Variants in TEK observed in about 807,000 individuals in gnomAD.
TEK encodes angiopoietin-1 receptor.
Under a neutral mutation model 131.8 loss-of-function variants are expected in TEK, and 43 were observed. The ratio of observed to expected loss-of-function variants is 0.33; its 90% CI spans 0.26 to 0.42. The LOEUF is 0.42. Ranked by LOEUF, TEK falls within the 10% of genes least tolerant of loss-of-function variation. The pLI is 1.00. For synonymous variants in TEK, 580 were observed against 491.6 expected (o/e 1.18, Z -2.38); for missense variants, 1,162 against 1,384.4 (o/e 0.84, Z 2.55).
intron 20 of TEK, among the ~76,000 whole-genome samples, chr9:27,219,051 A>AACTTTATTATATATTAG (rs1825939862): frequency 9.8e-6 from 1 of 102,392 alleles, no homozygotes; most frequent in Non-Finnish European, 2.0e-5. Flanking sequence ...TTATATATTA[A>AACTTTATTATATATTAG]TTGGCTCCGC....
At position 27,197,353 on chromosome 9, in the gene TEK, AG is replaced by A; in HGVS notation, c.1664del (p.Ser555IlefsTer5). On this transcript the variant is annotated frameshift_variant, in exon 12 of 23. Transcript: ENST00000380036. LOFTEE classifies it high-confidence loss of function. Reference sequence around the variant, plus strand: ...AAGAGGTCTAAATCTCCTGCCTAAAAGTCAGACCACTCTAAATTTGACCTGG... The same window carrying A: ...AAGAGGTCTAAATCTCCTGCCTAAAATCAGACCACTCTAAATTTGACCTGG... ...PPRGLNLLPK[S>X]QTTLNLTWQP... 6.2e-7 allele frequency: 1 copy of A among 1,614,132 alleles called. No individual in the cohort carries two copies. Among genetic ancestry groups the A allele is most frequent in the Non-Finnish European group, 8.5e-7 (1 of 1,179,986 alleles).
At chr9:27,209,369 C>A in intron 16 of TEK, 138 bp downstream of exon 16, 1 of 722,704 alleles carries the variant, frequency 1.4e-6, no homozygotes. Flanking sequence ...GAATGTCTGT[C>A]TAGTCCCATT....
chr9:27,115,842 A>T (rs1821534850), intron 1 of TEK, among the ~76,000 whole-genome samples: 1 of 152,248 alleles, frequency 6.6e-6, no homozygotes, highest in Non-Finnish European at 1.5e-5. Flanking sequence ...GGATGAAGGT[A>T]GAGAATTAAA....
At chr9:27,225,822 T>G (rs4879268) in intron 21 of TEK, among the ~76,000 whole-genome samples, 53,711 of 151,852 alleles carry the variant, frequency 0.35, 9,738 homozygotes, top group African/African-American at 0.41. Context: ...GGGAGAAAAT[T>G]TTTGCAATCT....
intron 20 of TEK, 140 bp from the exon 21 acceptor site, chr9:27,219,909 G>C: frequency 1.2e-6 from 1 of 825,538 alleles, no homozygotes; most frequent in Non-Finnish European, 2.1e-6. Context: ...CAGTGAGTTT[G>C]CCAAGGGAGG....
chr9:27,168,699 C>T, intron 3 of TEK, 94 bp downstream of exon 3: 1 of 993,446 alleles, frequency 1.0e-6, no homozygotes, highest in South Asian at 1.4e-5. Flanking sequence ...GTCTTGTGGG[C>T]AGATGTTTGA....
intron 21 of TEK, among the ~76,000 whole-genome samples, chr9:27,221,556 C>T (rs1316829352): frequency 6.6e-6 from 1 of 152,170 alleles, no homozygotes; most frequent in Admixed American, 6.5e-5. Flanking sequence ...AGGTGCCCCT[C>T]TGGGATGAAC....
chr9:27,123,010 G>A (rs1303043659), intron 1 of TEK, among the ~76,000 whole-genome samples: 3 of 122,368 alleles, frequency 2.5e-5, no homozygotes, highest in South Asian at 2.9e-4. Flanking sequence ...CCGAGATGGC[G>A]CCACTGCACT....
intron 8 of TEK, among the ~76,000 whole-genome samples, chr9:27,185,057 C>G (rs1171868980): frequency 6.6e-6 from 1 of 151,350 alleles, no homozygotes; most frequent in African/African-American, 2.4e-5. Flanking sequence ...AAAAAAATGG[C>G]AGAGGTCCAT....
Position 27,202,819 on chromosome 9 carries a change from G to A in TEK, c.1910-1G>A. On this transcript the variant is annotated splice_acceptor_variant, in intron 12 of 22. Coordinates refer to ENST00000380036, the MANE Select transcript of TEK (RefSeq NM_000459.5). LOFTEE classifies it high-confidence loss of function. Reference sequence around the variant, plus strand: ...GAATCTTTTTTCTTTTTAATTTCTAGTTCTTCCTCCTCAACCAGAAAACAT... The same window carrying A: ...GAATCTTTTTTCTTTTTAATTTCTAATTCTTCCTCCTCAACCAGAAAACAT... 1.2e-6 allele frequency: 2 copies of A among 1,613,826 alleles called. No individual in the cohort carries two copies. The highest frequency in any genetic ancestry group is 1.7e-6 in the Non-Finnish European group (2 of 1,179,834).
intron 1 of TEK, among the ~76,000 whole-genome samples, chr9:27,123,119 A>G (rs602255): frequency 0.98 from 145,655 of 148,290 alleles, 71,602 homozygotes; most frequent in East Asian, 1. Context: ...CTAGAGAATT[A>G]GCAGCTGGGT....
intron 1 of TEK, among the ~76,000 whole-genome samples, chr9:27,146,152 G>A (rs1192582112): frequency 6.6e-6 from 1 of 152,150 alleles, no homozygotes; most frequent in Non-Finnish European, 1.5e-5. Context: ...TATTTATTTA[G>A]AGATGCTTCT....
intron 7 of TEK, among the ~76,000 whole-genome samples, chr9:27,181,055 C>T (rs905384795): frequency 3.3e-5 from 5 of 152,128 alleles, no homozygotes; most frequent in African/African-American, 7.2e-5. Context: ...ATTTTCCAAT[C>T]ATCCTAATTT....
At chr9:27,147,781 C>CT (rs1277860341) in intron 1 of TEK, among the ~76,000 whole-genome samples, 1 of 152,010 alleles carries the variant, frequency 6.6e-6, no homozygotes, top group Non-Finnish European at 1.5e-5. Context: ...GGTTAGGGCT[C>CT]TTTTTTTGCA....
intron 1 of TEK, among the ~76,000 whole-genome samples, chr9:27,134,212 G>A (rs1437451593): frequency 6.6e-6 from 1 of 152,172 alleles, no homozygotes; most frequent in African/African-American, 2.4e-5. Flanking sequence ...AGAAAGCAAA[G>A]TTTTAGGTAG....
At chr9:27,140,548 C>T (rs1206762675) in intron 1 of TEK, among the ~76,000 whole-genome samples, 1 of 152,062 alleles carries the variant, frequency 6.6e-6, no homozygotes, top group African/African-American at 2.4e-5. Flanking sequence ...TACGATTGCA[C>T]TGATCTTTGT....
intron 20 of TEK, among the ~76,000 whole-genome samples, chr9:27,219,800 G>GACT (rs1825987894): frequency 1.3e-5 from 1 of 75,200 alleles, no homozygotes; most frequent in African/African-American, 4.3e-5. Context: ...TGTGTGGGGA[G>GACT]ACTTAGAACA....
chr9:27,171,109 A>G (rs903727446), intron 4 of TEK, among the ~76,000 whole-genome samples: 1 of 152,190 alleles, frequency 6.6e-6, no homozygotes, highest in Non-Finnish European at 1.5e-5. Flanking sequence ...AGTTAGAACT[A>G]GTAAAAACTT....
chr9:27,184,130 C>T (rs929977349), intron 8 of TEK, among the ~76,000 whole-genome samples: 1 of 152,168 alleles, frequency 6.6e-6, no homozygotes, highest in African/African-American at 2.4e-5. Flanking sequence ...AGTTCTGAAA[C>T]TACAATCCAC....
Sources: gnomAD v4.1 joint callset for allele counts (sites outside exome capture counted in the v4.1 genomes callset) on GRCh38, gnomAD v4.1.1 for gene constraint, MANE v1.5 for transcripts, NCBI Gene and HGNC (gene_info 2026-07-23, HGNC 2026-07-21) for gene names.